TJP2: variants seen among roughly 807,000 people sequenced by gnomAD.
TJP2 encodes the protein tight junction protein 2.
Under a neutral mutation model 133.1 loss-of-function variants are expected in TJP2, and 91 were observed. The ratio of observed to expected loss-of-function variants is 0.68; its 90% CI spans 0.58 to 0.81. The LOEUF (loss-of-function observed/expected upper bound fraction) is 0.81, where lower values mean the gene tolerates loss of function less well. Among genes scored for constraint, TJP2 ranks in the 40% least tolerant of loss-of-function variants. TJP2 has a pLI of 0.00. For synonymous variants in TJP2, 592 were observed against 583.4 expected (o/e 1.01, Z -0.21); for missense variants, 1,541 against 1,565.6 (o/e 0.98, Z 0.26).
chr9:69,228,984 A>T (rs556410368), intron 9 of TJP2, among the ~76,000 whole-genome samples, 200 bp from the exon 10 acceptor site: 1 of 150,488 alleles, frequency 6.6e-6, no homozygotes, highest in Admixed American at 6.6e-5. Context: ...TTAGAGGTTC[A>T]TTTTTTATCT....
chr9:69,190,882 G>A (rs929486059), intron 1 of TJP2, among the ~76,000 whole-genome samples: 6 of 152,206 alleles, frequency 3.9e-5, no homozygotes, highest in African/African-American at 9.7e-5. Context: ...TATGATCTCC[G>A]TGATTTTGCC....
chr9:69,220,749 C>T (rs1828758235), intron 4 of TJP2, 138 bp from the exon 5 acceptor site: 2 of 787,722 alleles, frequency 2.5e-6, no homozygotes, highest in Non-Finnish European at 4.2e-6. Context: ...TTGTCCGTTT[C>T]CGGATGAGGA....
chr9:69,175,882 C>CG (rs1383443125), intron 1 of TJP2, among the ~76,000 whole-genome samples: 4 of 152,154 alleles, frequency 2.6e-5, no homozygotes, highest in Admixed American at 1.3e-4. Context: ...TGAAGGGGAA[C>CG]TTTCCCCTCT....
rs1280132917 is a variant in TJP2 at position 69,212,609 on chromosome 9, C to T, written c.114+8C>T. The stretch of plus-strand genomic sequence containing the variant: ...ACTGTGACCCTACAAAAGGTGAGTT[C>T]TGCACATTTCATATATTCTACAGTC... On this transcript the variant is annotated splice_region_variant and intron_variant, in intron 2 of 22. Transcript: ENST00000377245. The T allele has an allele frequency of 6.2e-7, 1 of 1,600,660 alleles. No individual in the cohort carries two copies. The highest frequency in any genetic ancestry group is 8.6e-7 in the Non-Finnish European group (1 of 1,168,054).
intron 17 of TJP2, among the ~76,000 whole-genome samples, chr9:69,240,447 C>T (rs1170272320): frequency 6.6e-6 from 1 of 152,204 alleles, no homozygotes. Flanking sequence ...GGCCAAACAC[C>T]TATGTCTCTC....
chr9:69,252,342 T>C (rs1483632318), intron 21 of TJP2, among the ~76,000 whole-genome samples: 1 of 152,094 alleles, frequency 6.6e-6, no homozygotes, highest in Non-Finnish European at 1.5e-5. Context: ...TACCTTCACA[T>C]TGCTGTTCAG....
chr9:69,156,071 C>T (rs118004049), intron 2 of TJP2, among the ~76,000 whole-genome samples: 2,654 of 152,288 alleles, frequency 0.017, 43 homozygotes, highest in Non-Finnish European at 0.028. Context: ...TCTCAATCAA[C>T]TTAGAGAGTT....
At chr9:69,223,812 A>G (rs139015083) in intron 5 of TJP2, among the ~76,000 whole-genome samples, 1 of 152,370 alleles carries the variant, frequency 6.6e-6, no homozygotes, top group Non-Finnish European at 1.5e-5. Flanking sequence ...ATGGGCCACA[A>G]CACTTCTAAT....
At chr9:69,167,082 C>G (rs1456952667) in intron 2 of TJP2, among the ~76,000 whole-genome samples, 1 of 151,650 alleles carries the variant, frequency 6.6e-6, no homozygotes, top group East Asian at 1.9e-4. Flanking sequence ...AAAAAAAAAC[C>G]CCAGAAAAAT....
intron 1 of TJP2, among the ~76,000 whole-genome samples, chr9:69,142,221 G>C (rs112340913): frequency 6.6e-6 from 1 of 152,194 alleles, no homozygotes; most frequent in Admixed American, 6.5e-5. Context: ...GGATTGGAAC[G>C]ATAAATTTGA....
chr9:69,221,863 C>CTTTTTT (rs11308693), intron 5 of TJP2, among the ~76,000 whole-genome samples: 1 of 112,246 alleles, frequency 8.9e-6, no homozygotes, highest in African/African-American at 3.7e-5. Flanking sequence ...GGAATAGCTA[C>CTTTTTT]TTTTTTTTTT....
At chr9:69,245,577 G>A (rs74358363) in intron 17 of TJP2, among the ~76,000 whole-genome samples, 6,179 of 152,240 alleles carry the variant, frequency 0.041, 143 homozygotes, top group Middle Eastern at 0.071. Flanking sequence ...ATGTAGTGTG[G>A]TGGCTGAGAC....
At chr9:69,137,657 C>A (rs1035757286) in intron 1 of TJP2, among the ~76,000 whole-genome samples, 16 of 152,056 alleles carry the variant, frequency 1.1e-4, no homozygotes, top group Non-Finnish European at 2.1e-4. Context: ...AGCCACTGTA[C>A]TCAGCTGAGC....
At position 69,236,138 on chromosome 9, in the gene TJP2, T is replaced by G; in HGVS notation, c.1891T>G (p.Phe631Val). The G allele has an allele frequency of 6.2e-7, 1 of 1,614,212 alleles. No homozygotes were observed. The highest frequency in any genetic ancestry group is 8.5e-7 in the Non-Finnish European group (1 of 1,180,040). ...CCTGGCCTTCACCAGAGGGGAGGTC[T>G]TCCGAGTGGTAGACACACTGTATGA... The part of the protein sequence containing the change: ...QSLAFTRGEV[F>V]RVVDTLYDGK... The change falls in exon 13 of 23, where the codon TTC (phenylalanine) becomes GTC (valine). Residue 631 changes from phenylalanine to valine, a missense_variant. Physicochemically the swap from Phe to Val is conservative, Grantham distance 50. Coordinates refer to ENST00000377245, the MANE Select transcript of TJP2 (RefSeq NM_004817.4).
At chr9:69,232,301 T>G (rs947151534) in intron 11 of TJP2, among the ~76,000 whole-genome samples, 37 of 152,214 alleles carry the variant, frequency 2.4e-4, no homozygotes, top group African/African-American at 8.9e-4. Context: ...TGAAAAAGAT[T>G]GAGTTTGCCT....
chr9:69,151,005 T>A (rs1823446477), intron 1 of TJP2, among the ~76,000 whole-genome samples: 1 of 152,206 alleles, frequency 6.6e-6, no homozygotes, highest in South Asian at 2.1e-4. Flanking sequence ...AAGAAGGCAG[T>A]CACAAAAGGC....
intron 1 of TJP2, among the ~76,000 whole-genome samples, chr9:69,175,592 A>G (rs987777549): frequency 2.0e-5 from 3 of 152,202 alleles, no homozygotes; most frequent in Middle Eastern, 3.2e-3. Context: ...GTAAGTTTTC[A>G]TGAACAACTC....
chr9:69,192,134 G>C (rs964134913), intron 1 of TJP2, among the ~76,000 whole-genome samples: 7 of 151,896 alleles, frequency 4.6e-5, no homozygotes, highest in Non-Finnish European at 1.0e-4. Flanking sequence ...CATTTGAGTG[G>C]TACTTTACAG....
chr9:69,206,819 C>T (rs949392662), intron 1 of TJP2, among the ~76,000 whole-genome samples: 2 of 152,132 alleles, frequency 1.3e-5, no homozygotes, highest in African/African-American at 4.8e-5. Flanking sequence ...CCTCGTGATC[C>T]ACCCGCCTCG....
Sources: gnomAD v4.1 joint callset for allele counts (sites outside exome capture counted in the v4.1 genomes callset) on GRCh38, gnomAD v4.1.1 for gene constraint, MANE v1.5 for transcripts, NCBI Gene and HGNC (gene_info 2026-07-23, HGNC 2026-07-21) for gene names.